Variants in ANKRD52 observed in about 807,000 individuals in gnomAD.
ANKRD52 encodes serine/threonine-protein phosphatase 6 regulatory ankyrin repeat subunit C.
A neutral mutation model predicts 116.0 loss-of-function variants in ANKRD52; 7 were observed. The ratio of observed to expected loss-of-function variants is 0.06; its 90% CI spans 0.03 to 0.11. The LOEUF is 0.11. ANKRD52 is among the 10% of genes least tolerant of loss of function. ANKRD52 has a pLI of 1.00. For missense variants in ANKRD52, 839 were observed against 1,408.6 expected (o/e 0.60, Z 6.47); for synonymous variants, 528 against 578.1 (o/e 0.91, Z 1.24).
intron 4 of ANKRD52, 66 bp downstream of exon 4, chr12:56,256,949 C>T: frequency 3.9e-6 from 6 of 1,524,558 alleles, no homozygotes; most frequent in South Asian, 1.3e-5. Flanking sequence ...GGCTCCTTAA[C>T]CCTTAACCCC....
Position 56,248,271 on chromosome 12 carries a change from G to A in ANKRD52, c.1777-47C>T. The A allele has an allele frequency of 1.3e-6, 2 of 1,596,120 alleles. No homozygotes were observed. Among genetic ancestry groups the A allele is most frequent in the Non-Finnish European group, 8.6e-7 (1 of 1,166,846 alleles). On this transcript the variant is annotated intron_variant, in intron 17 of 27. Coordinates refer to ENST00000267116, the MANE Select transcript of ANKRD52 (RefSeq NM_173595.4). This position sits in a 1 kb window ranked among gnomAD's most constrained non-coding sequence, Gnocchi z 5.1. ...GTGCACACAGCTCGGGACCTTCCCT[G>A]CTCCTCCCTTCCCCTTCTCTGCTCT...
chr12:56,243,821 T>C lies in ANKRD52; in HGVS notation c.2944A>G (p.Ser982Gly). The change falls in exon 27 of 28, where the codon AGT (serine) becomes GGT (glycine). Residue 982 changes from serine (S) to glycine (G), a missense_variant. Physicochemically the swap from Ser to Gly is moderately conservative, Grantham distance 56. This residue lies in a region of ANKRD52 where 552 missense variants were observed against 810.6 expected (regional missense o/e 0.68). Transcript: ENST00000267116. This position sits in a 1 kb window ranked among gnomAD's most constrained non-coding sequence, Gnocchi z 4.6. ...ACAGCCAGCACTGTGGCCCCATGAC[T>C]CAGCAGGGCCTGTACCACAGAAGCT... The part of the protein sequence containing the change: ...GLASVVQALL[S>G]HGATVLAVDE... 1 of 1,564,296 alleles carries C rather than the reference T, an allele frequency of 6.4e-7. No individual in the cohort carries two copies. Among genetic ancestry groups the C allele is most frequent in the Non-Finnish European group, 8.7e-7 (1 of 1,154,154 alleles).
At chr12:56,256,323 A>G (rs571100942) in intron 4 of ANKRD52, among the ~76,000 whole-genome samples, 1 of 152,082 alleles carries the variant, frequency 6.6e-6, no homozygotes. Flanking sequence ...ACCCCCTACT[A>G]CTTCTAGGAA....
Position 56,248,141 on chromosome 12 carries a change from G to C in ANKRD52, c.1860C>G (p.Thr620=). The C allele has an allele frequency of 6.2e-7, 1 of 1,613,932 alleles. No individual in the cohort carries two copies. The highest frequency in any genetic ancestry group is 8.5e-7 in the Non-Finnish European group (1 of 1,179,904). ...CGCGCTCCGTGGCCAGGAAGAGTGC[G>C]GTCCGGCCCTTGTGGTCCCTTACGT... ...NLDVRDHKGR[T]ALFLATERGS... Residue 620 remains threonine (T), a synonymous_variant, in exon 18 of 28, where the codon ACC becomes ACG. Coordinates refer to ENST00000267116, the MANE Select transcript of ANKRD52 (RefSeq NM_173595.4). The surrounding 1 kb of genome is among the most constrained non-coding windows in gnomAD (Gnocchi z 5.1).
At position 56,247,576 on chromosome 12, in the gene ANKRD52, C is replaced by T. The variant is rs1295164791; in HGVS notation, c.2101G>A (p.Val701Met). 2.5e-6 allele frequency: 4 copies of T among 1,594,084 alleles called. No homozygotes were observed. Among genetic ancestry groups the T allele is most frequent in the Non-Finnish European group, 3.4e-6 (4 of 1,169,652 alleles). ...PLMLAIMNGH[V>M]DCVHLLLEKG... is the part of the protein sequence containing the mutation. ...TCTAGCAGCAGATGTACACAGTCCA[C>T]ATGGCCATTCATGATGGCCAGCATC... is the stretch of plus-strand genomic sequence containing the variant. The change falls in exon 20 of 28, where the codon GTG (valine) becomes ATG (methionine). Residue 701 changes from valine to methionine, a missense_variant. Physicochemically the swap from Val to Met is conservative, Grantham distance 21. This residue lies in a region of ANKRD52 where 552 missense variants were observed against 810.6 expected (regional missense o/e 0.68). Coordinates refer to ENST00000267116, the MANE Select transcript of ANKRD52 (RefSeq NM_173595.4).
Position 56,253,961 on chromosome 12 carries a change from C to T in ANKRD52, c.906+106G>A. 1 of 1,383,710 alleles carries T rather than the reference C, an allele frequency of 7.2e-7. No individual in the cohort carries two copies. The highest frequency in any genetic ancestry group is 1.0e-6 in the Non-Finnish European group (1 of 999,698). The allele number at this position is 1,383,710 out of a possible 1,614,324, so 85.7% of individuals were successfully genotyped here. On this transcript the variant is annotated intron_variant, in intron 8 of 27. Transcript: ENST00000267116. This position sits in a 1 kb window ranked among gnomAD's most constrained non-coding sequence, Gnocchi z 5.5. Reference sequence around the variant, plus strand: ...GAGTCCCTGGCAAGGTCTGATTACCCTAGGAAGCAAGTGGATAATTCCCCA... The same window carrying T: ...GAGTCCCTGGCAAGGTCTGATTACCTTAGGAAGCAAGTGGATAATTCCCCA...
rs1246272167 is a variant in ANKRD52, at chr12:56,253,018, T to C, written c.1169A>G (p.Lys390Arg). 6.3e-7 allele frequency: 1 copy of C among 1,586,788 alleles called. No homozygotes were observed. Among genetic ancestry groups the C allele is most frequent in the Non-Finnish European group, 8.6e-7 (1 of 1,166,700 alleles). ...TCAGCACATACCTGAGGAAAGAAGCTTACGACAACAGTCAGAGAATCCAAA... is the reference window on the plus strand; with the variant it reads ...TCAGCACATACCTGAGGAAAGAAGCCTACGACAACAGTCAGAGAATCCAAA... ...VLFGFSDCCRKLLSSGQLYSI... is the reference protein window; with the variant it reads ...VLFGFSDCCRRLLSSGQLYSI... The change falls in exon 11 of 28, where the codon AAG becomes AGG. Residue 390 changes from lysine (K) to arginine (R), a missense_variant. Coordinates refer to ENST00000267116, the MANE Select transcript of ANKRD52 (RefSeq NM_173595.4). The surrounding 1 kb of genome is among the most constrained non-coding windows in gnomAD (Gnocchi z 5.5).
chr12:56,244,423 T>C lies in ANKRD52; in HGVS notation c.2735A>G (p.Tyr912Cys), dbSNP rs1871301703. ...GQTAAVEFLL[Y>C]RGKADLTVLD... Reference sequence around the variant, plus strand: ...CACAGTAAGGTCTGCCTTCCCTCGATACAGCAGAAATTCTACGAGAGAAAT... The same window carrying C: ...CACAGTAAGGTCTGCCTTCCCTCGACACAGCAGAAATTCTACGAGAGAAAT... The change falls in exon 25 of 28, where the codon TAT becomes TGT. Residue 912 changes from tyrosine (Y) to cysteine (C), a missense_variant. Physicochemically the swap from Tyr to Cys is radical, Grantham distance 194 (BLOSUM62 -2). This residue lies in a region of ANKRD52 where 552 missense variants were observed against 810.6 expected (regional missense o/e 0.68). Coordinates refer to ENST00000267116, the MANE Select transcript of ANKRD52 (RefSeq NM_173595.4). This position sits in a 1 kb window ranked among gnomAD's most constrained non-coding sequence, Gnocchi z 4.9. 1.9e-6 allele frequency: 3 copies of C among 1,613,982 alleles called. No homozygotes were observed. The highest frequency in any genetic ancestry group is 2.5e-6 in the Non-Finnish European group (3 of 1,179,882).
In ANKRD52 at chr12:56,245,182, C is replaced by T; in HGVS notation, c.2413G>A (p.Asp805Asn). 6.2e-7 allele frequency: 1 copy of T among 1,613,986 alleles called. No individual in the cohort carries two copies. The highest frequency in any genetic ancestry group is 8.5e-7 in the Non-Finnish European group (1 of 1,179,886). The change falls in exon 22 of 28, where the codon GAT (aspartate) becomes AAT (asparagine). Residue 805 changes from aspartate to asparagine, a missense_variant. Around this residue, in one of 2 missense-constraint regions of ANKRD52, gnomAD observed 552 missense variants for 810.6 expected, o/e 0.68. Coordinates refer to ENST00000267116, the MANE Select transcript of ANKRD52 (RefSeq NM_173595.4). ...TGTTCAAGTAACAACTCCAGACAAT[C>T]TTCATGTCCTGGGCACGAGGAAGGA... is the stretch of plus-strand genomic sequence containing the variant. ...MHWASYTGHE[D>N]CLELLLEHSP... is the part of the protein sequence containing the mutation.
rs1195268731 is a variant in ANKRD52, at chr12:56,243,133, T to C, written c.*9A>G. 3 of 1,579,944 alleles carry C rather than the reference T, an allele frequency of 1.9e-6. No individual in the cohort carries two copies. The highest frequency in any genetic ancestry group is 2.3e-5 in the South Asian group (2 of 88,726). On this transcript the variant is annotated 3_prime_UTR_variant, in exon 28 of 28. Coordinates refer to ENST00000267116, the MANE Select transcript of ANKRD52 (RefSeq NM_173595.4). The surrounding 1 kb of genome is among the most constrained non-coding windows in gnomAD (Gnocchi z 4.6). Reference sequence around the variant, plus strand: ...CAAGCCACCGGCGGGGGAGGGACACTGGAGGGGGCTACTCAGAGTAGCAGC... The same window carrying C: ...CAAGCCACCGGCGGGGGAGGGACACCGGAGGGGGCTACTCAGAGTAGCAGC...
Position 56,243,158 on chromosome 12 carries a change from C to G in ANKRD52, c.3215G>C (p.Gly1072Ala), listed in dbSNP as rs769230262. ...TGGAGGGGGCTACTCAGAGTAGCAG[C>G]CATCTAACCCAATGGCGCCGGGCCG... The part of the protein sequence containing the change: ...QERPGAIGLD[G>A]CYSE Residue 1072 changes from glycine to alanine, a missense_variant, in exon 28 of 28, where the codon GGC becomes GCC. Around this residue, in one of 2 missense-constraint regions of ANKRD52, gnomAD observed 552 missense variants for 810.6 expected, o/e 0.68. Coordinates refer to ENST00000267116, the MANE Select transcript of ANKRD52 (RefSeq NM_173595.4). This position sits in a 1 kb window ranked among gnomAD's most constrained non-coding sequence, Gnocchi z 4.6. The G allele has an allele frequency of 6.2e-7, 1 of 1,601,422 alleles. No homozygotes were observed. Among genetic ancestry groups the G allele is most frequent in the African/African-American group, 1.3e-5 (1 of 74,898 alleles).
At chr12:56,256,883 C>T (rs982394967) in intron 4 of ANKRD52, 132 bp downstream of exon 4, 12 of 992,356 alleles carry the variant, frequency 1.2e-5, no homozygotes, top group African/African-American at 1.6e-5. Context: ...AGGAAGGGGC[C>T]AAGATTTGAT....
In ANKRD52 at chr12:56,252,628, G is replaced by T; in HGVS notation, c.1302-58C>A. On this transcript the variant is annotated intron_variant, in intron 12 of 27. Coordinates refer to ENST00000267116, the MANE Select transcript of ANKRD52 (RefSeq NM_173595.4). The surrounding 1 kb of genome is among the most constrained non-coding windows in gnomAD (Gnocchi z 4.7). The stretch of plus-strand genomic sequence containing the variant: ...CTCAAAGGGAAGCCACAGGCCCAGG[G>T]TGGGGCTAAGGAAGGATGGGACTAG... The T allele has an allele frequency of 1.3e-6, 2 of 1,575,478 alleles. No homozygotes were observed. The highest frequency in any genetic ancestry group is 1.7e-6 in the Non-Finnish European group (2 of 1,146,328).
Position 56,238,685 on chromosome 12 carries a change from A to C in ANKRD52, c.*4457T>G, listed in dbSNP as rs977295575. On this transcript the variant is annotated 3_prime_UTR_variant, in exon 28 of 28. Transcript: ENST00000267116. ...AAGGGGGTAGGAGACTTCATCCTCC[A>C]TCCTCCCCTAACCCTTCCCAAACCC... 9 of 149,710 alleles carry C rather than the reference A, an allele frequency of 6.0e-5. No homozygotes were observed. The highest frequency in any genetic ancestry group is 2.0e-4 in the African/African-American group (8 of 40,524). The allele number at this position is 149,710 out of a possible 1,614,324, so 9.3% of individuals were successfully genotyped here.
rs979010322 is a variant in ANKRD52, at chr12:56,238,329, G to A, written c.*4813C>T. On this transcript the variant is annotated 3_prime_UTR_variant, in exon 28 of 28. Coordinates refer to ENST00000267116, the MANE Select transcript of ANKRD52 (RefSeq NM_173595.4). The stretch of plus-strand genomic sequence containing the variant: ...GCCCCCCAACACACACCTGCACACA[G>A]GATGGTGGTGTCTGCAGCATCACAG... 6.5e-6 allele frequency: 1 copy of A among 152,708 alleles called. No homozygotes were observed. The highest frequency in any genetic ancestry group is 2.4e-5 in the African/African-American group (1 of 41,448). The allele number at this position is 152,708 out of a possible 1,614,324, so 9.5% of individuals were successfully genotyped here. A position where few individuals can be genotyped will look rare whatever the true frequency, so the allele number is the denominator to read the frequency against.
In ANKRD52 at chr12:56,253,633, G is replaced by A. The variant is rs1025874060; in HGVS notation, c.985+89C>T. 7 of 1,418,386 alleles carry A rather than the reference G, an allele frequency of 4.9e-6. No homozygotes were observed. The highest frequency in any genetic ancestry group is 6.9e-6 in the Non-Finnish European group (7 of 1,017,154). The allele number at this position is 1,418,386 out of a possible 1,614,324, so 87.9% of individuals were successfully genotyped here. On this transcript the variant is annotated intron_variant, in intron 9 of 27. Transcript: ENST00000267116. The surrounding 1 kb of genome is among the most constrained non-coding windows in gnomAD (Gnocchi z 5.5). Reference sequence around the variant, plus strand: ...GGCCTATCCTACTGGAAGAGGGCAGGAGAAGGAAGTTAGGAACCTCCCTAG... The same window carrying A: ...GGCCTATCCTACTGGAAGAGGGCAGAAGAAGGAAGTTAGGAACCTCCCTAG...
At chr12:56,247,126 C>T (rs1196289302) in intron 20 of ANKRD52, among the ~76,000 whole-genome samples, 1 of 151,018 alleles carries the variant, frequency 6.6e-6, no homozygotes, top group African/African-American at 2.4e-5. Context: ...GGGGGGATCA[C>T]TTGAACCCAG....
chr12:56,247,839 A>G (rs890895152), intron 18 of ANKRD52, 65 bp from the exon 19 acceptor site: 72 of 1,523,242 alleles, frequency 4.7e-5, no homozygotes, highest in Non-Finnish European at 5.6e-5. Context: ...GGTCAAGCCT[A>G]AAGGACTTGG....
At position 56,243,358 on chromosome 12, in the gene ANKRD52, T is replaced by C. The variant is rs1871251308; in HGVS notation, c.3015A>G (p.Lys1005=). The C allele has an allele frequency of 6.2e-7, 1 of 1,613,868 alleles. No individual in the cohort carries two copies. Among genetic ancestry groups the C allele is most frequent in the Non-Finnish European group, 8.5e-7 (1 of 1,179,820 alleles). ...HTPALACAPN[K]DVADCLALIL... ...TCAAGGCCAGGCAGTCTGCCACATC[T>C]TTGTTGGGGGCACAGGCCAGTGCTG... The change falls in exon 28 of 28, where the codon AAA becomes AAG. Residue 1005 remains lysine, a synonymous_variant. Transcript: ENST00000267116. This position sits in a 1 kb window ranked among gnomAD's most constrained non-coding sequence, Gnocchi z 4.6.
Sources: allele counts gnomAD v4.1 joint callset (sites outside exome capture counted in the v4.1 genomes callset), GRCh38; gene constraint gnomAD v4.1.1; regional missense constraint gnomAD v4.1.1; non-coding constraint Gnocchi (gnomAD v3.1); transcripts MANE v1.5; gene names NCBI Gene and HGNC (gene_info 2026-07-23, HGNC 2026-07-21).